MAF: variants seen among roughly 807,000 people sequenced by gnomAD.
MAF encodes MAF bZIP transcription factor.
A neutral mutation model predicts 22.0 loss-of-function variants in MAF; 10 were observed. The ratio of observed to expected loss-of-function variants is 0.45; its 90% CI spans 0.28 to 0.77. The LOEUF is 0.77. MAF is among the 30% of genes least tolerant of loss of function. The pLI is 0.12. For missense variants in MAF, 544 were observed against 548.4 expected, an observed-to-expected ratio of 0.99 and a Z score of 0.08; for synonymous variants, 337 against 255.8, an observed-to-expected ratio of 1.32 and a Z score of -3.03.
the MAF span, among the ~76,000 whole-genome samples, chr16:79,214,969 C>G: frequency 6.6e-6 from 1 of 151,930 alleles, no homozygotes; most frequent in Admixed American, 6.6e-5. Flanking sequence ...CTCAGCCCCC[C>G]AAAGTGCTGG....
the MAF span, among the ~76,000 whole-genome samples, chr16:79,309,542 A>G: frequency 6.6e-6 from 1 of 152,208 alleles, no homozygotes; most frequent in East Asian, 1.9e-4. Flanking sequence ...ACAGAGCACG[A>G]ATATTTTATC....
chr16:79,291,127 T>C, the MAF span, among the ~76,000 whole-genome samples: 26 of 152,316 alleles, frequency 1.7e-4, no homozygotes, highest in South Asian at 4.4e-3. Context: ...GCCCCGCTTG[T>C]GGAAGCCCCT....
the MAF span, among the ~76,000 whole-genome samples, chr16:79,273,876 G>C: frequency 6.6e-6 from 1 of 151,386 alleles, no homozygotes; most frequent in South Asian, 2.1e-4. Context: ...GGATATCTTT[G>C]AGGGACTAGT....
chr16:79,314,555 C>T, the MAF span, among the ~76,000 whole-genome samples: 1 of 152,086 alleles, frequency 6.6e-6, no homozygotes, highest in South Asian at 2.1e-4. Flanking sequence ...GAGGGGCTTC[C>T]TAAGGGGATG....
chr16:79,581,545 G>T (rs1431729825), downstream of MAF, among the ~76,000 whole-genome samples: 1 of 152,116 alleles, frequency 6.6e-6, no homozygotes, highest in Non-Finnish European at 1.5e-5. Flanking sequence ...GCGACCTCAG[G>T]GTCAATTTCT....
At chr16:79,487,698 A>T in the MAF span, among the ~76,000 whole-genome samples, 1 of 152,186 alleles carries the variant, frequency 6.6e-6, no homozygotes, top group Non-Finnish European at 1.5e-5. Context: ...AAGGCAGAGG[A>T]AAAGATGGCT....
At chr16:79,204,984 C>T in the MAF span, 1 of 152,146 alleles carries the variant, frequency 6.6e-6, no homozygotes, top group Non-Finnish European at 1.5e-5. Flanking sequence ...TGTCTTTTGT[C>T]AGGGAGAATG....
chr16:79,381,196 T>C, the MAF span, among the ~76,000 whole-genome samples: 1 of 152,256 alleles, frequency 6.6e-6, no homozygotes, highest in Non-Finnish European at 1.5e-5. Flanking sequence ...TCCCTACAAA[T>C]CATGTGACTT....
the MAF span, among the ~76,000 whole-genome samples, chr16:79,286,901 G>A: frequency 7.2e-5 from 11 of 152,148 alleles, no homozygotes; most frequent in East Asian, 1.9e-3. Flanking sequence ...CAAACGTATC[G>A]ACGAGTTCTT....
At position 79,595,416 on chromosome 16, in the gene MAF, TTTTTC is replaced by T. The variant is rs1220726123; in HGVS notation, c.1119-868_1119-864del. On this transcript the variant is annotated intron_variant, in intron 1 of 1. Transcript: ENST00000326043. ...TCAGTCAGAGTTGCAATATTATCTTTTTTTCTTTTAAGAACGGCAGAAAACAAAAC... is the reference window on the plus strand; with the variant it reads ...TCAGTCAGAGTTGCAATATTATCTTTTTTTAAGAACGGCAGAAAACAAAAC... 6.4e-5 allele frequency: 68 copies of T among 1,054,450 alleles called. No individual in the cohort carries two copies. The African/African-American group carries it at 8.3e-4, about 13-fold the overall frequency. 65.3% of individuals were successfully genotyped at this position (1,054,450 alleles called of 1,614,324 possible). A position where few individuals can be genotyped will look rare whatever the true frequency, so the allele number is the denominator to read the frequency against.
At chr16:79,483,914 A>T in the MAF span, among the ~76,000 whole-genome samples, 6 of 152,186 alleles carry the variant, frequency 3.9e-5, no homozygotes. Flanking sequence ...GGCTCCTGAG[A>T]GGCAAGGCAG....
At chr16:79,203,292 G>A in the MAF span, 1 of 152,204 alleles carries the variant, frequency 6.6e-6, no homozygotes, top group Non-Finnish European at 1.5e-5. Context: ...CTTGGAACCT[G>A]AGAAATGGTC....
chr16:79,402,818 C>G, the MAF span, among the ~76,000 whole-genome samples: 2 of 152,172 alleles, frequency 1.3e-5, no homozygotes, highest in African/African-American at 4.8e-5. Context: ...TTGTACCTGC[C>G]CATGCCTGGG....
the MAF span, among the ~76,000 whole-genome samples, chr16:79,208,358 G>A: frequency 6.8e-6 from 1 of 147,810 alleles, no homozygotes; most frequent in Non-Finnish European, 1.5e-5. Context: ...CAACCTACAG[G>A]CTTCTGATAA....
chr16:79,499,247 T>G, the MAF span, among the ~76,000 whole-genome samples: 2 of 152,186 alleles, frequency 1.3e-5, no homozygotes, highest in South Asian at 2.1e-4. Flanking sequence ...TGCTCCAACC[T>G]GCAGGTCAAG....
chr16:79,383,726 G>A, the MAF span, among the ~76,000 whole-genome samples: 1 of 152,138 alleles, frequency 6.6e-6, no homozygotes. Context: ...GGTCCTCTTT[G>A]AAAGCATCAT....
chr16:79,251,968 A>G, the MAF span, among the ~76,000 whole-genome samples: 1 of 152,278 alleles, frequency 6.6e-6, no homozygotes, highest in Admixed American at 6.5e-5. Flanking sequence ...CCTAATTGAT[A>G]AAACCTTTAA....
the MAF span, among the ~76,000 whole-genome samples, chr16:79,555,746 A>T: frequency 3.9e-5 from 6 of 152,202 alleles, no homozygotes; most frequent in African/African-American, 1.4e-4. Context: ...ACTCTGAAAA[A>T]CTCTAAATCC....
the MAF span, among the ~76,000 whole-genome samples, chr16:79,546,546 G>T: frequency 6.6e-6 from 1 of 152,122 alleles, no homozygotes; most frequent in African/African-American, 2.4e-5. Context: ...TTTCATATAA[G>T]ATTATTATGG....
Sources: gnomAD v4.1 joint callset for allele counts (sites outside exome capture counted in the v4.1 genomes callset) on GRCh38, gnomAD v4.1.1 for gene constraint, MANE v1.5 for transcripts, NCBI Gene and HGNC (gene_info 2026-07-23, HGNC 2026-07-21) for gene names.